The following FRMD4A variants were observed in gnomAD, a reference collection of about 807,000 sequenced individuals.
FRMD4A encodes the protein FERM domain-containing protein 4A.
In FRMD4A, 29 loss-of-function variants were observed where a neutral mutation model predicts 129.1. The observed-to-expected ratio is 0.22, with a 90% CI of 0.17 to 0.31. The LOEUF (loss-of-function observed/expected upper bound fraction) is 0.31, where lower values mean the gene tolerates loss of function less well. FRMD4A is among the 10% of genes least tolerant of loss of function. The probability of loss-of-function intolerance (pLI) is 1.00; values close to 1 mark genes in which losing one functional copy is unlikely to be tolerated. For synonymous variants in FRMD4A, 634 were observed against 571.6 expected (o/e 1.11, Z -1.56); for missense variants, 1,272 against 1,375.8 (o/e 0.92, Z 1.19).
chr10:13,700,623 G>T (rs1309041436), intron 14 of FRMD4A, among the ~76,000 whole-genome samples: 1 of 152,130 alleles, frequency 6.6e-6, no homozygotes, highest in African/African-American at 2.4e-5. Context: ...TGACAGGGGA[G>T]TCTGGGGAGA....
intron 2 of FRMD4A, among the ~76,000 whole-genome samples, chr10:13,896,286 T>C (rs1436445395): frequency 1.3e-5 from 2 of 152,130 alleles, no homozygotes; most frequent in East Asian, 3.8e-4. Context: ...TAATCAATGA[T>C]AGACTGGATA....
intron 2 of FRMD4A, among the ~76,000 whole-genome samples, chr10:14,290,874 G>T (rs943710626): frequency 2.0e-5 from 3 of 152,042 alleles, no homozygotes; most frequent in East Asian, 1.9e-4. Context: ...TATGATAAAT[G>T]ACTTAGCACA....
At chr10:13,786,577 G>C (rs1294140171) in intron 5 of FRMD4A, among the ~76,000 whole-genome samples, 1 of 152,154 alleles carries the variant, frequency 6.6e-6, no homozygotes, top group East Asian at 1.9e-4. Flanking sequence ...TTGCACTCCA[G>C]CCTGGGCAAC....
rs140540576 is a variant in FRMD4A, at chr10:13,763,541, G to C, written c.385-861C>G. On this transcript the variant is annotated intron_variant, in intron 6 of 24. Transcript: ENST00000357447. ...TAGAAAGTTCTATTGGTCAGCAACT[G>C]TTACACAGTGTAAGTTTAACAATGT... is the stretch of plus-strand genomic sequence containing the variant. Among the ~76,000 whole-genome samples the C allele has an allele frequency of 5.3e-5, 8 of 152,270 alleles. No individual in the cohort carries two copies. The East Asian group carries it at 1.5e-3, about 29-fold the overall frequency.
In FRMD4A at chr10:13,657,341, A is replaced by G. The variant is rs764610372; in HGVS notation, c.2248T>C (p.Cys750Arg). 6.2e-7 allele frequency: 1 copy of G among 1,608,396 alleles called. No homozygotes were observed. ...GSDPMDDCSS[C>R]TSHSSSEHYY... ...TGCTCCGAGCTCGAGTGGCTGGTGC[A>G]CGACGAGCAGTCGTCCATGGGGTCT... is the stretch of plus-strand genomic sequence containing the variant. Residue 750 changes from cysteine (C) to arginine (R), a missense_variant, in exon 22 of 25, where the codon TGC (cysteine) becomes CGC (arginine). Physicochemically the swap from Cys to Arg is radical, Grantham distance 180. Around this residue, in one of 2 missense-constraint regions of FRMD4A, gnomAD observed 972 missense variants for 892.3 expected, o/e 1.09. Transcript: ENST00000357447.
chr10:13,849,503 C>G (rs1294792579), intron 3 of FRMD4A, among the ~76,000 whole-genome samples: 1 of 146,308 alleles, frequency 6.8e-6, no homozygotes, highest in Admixed American at 6.8e-5. Flanking sequence ...TTTTTTGATA[C>G]GGAGTTCGCT....
At chr10:13,766,520 C>T (rs1255444878) in intron 6 of FRMD4A, among the ~76,000 whole-genome samples, 2 of 152,164 alleles carry the variant, frequency 1.3e-5, no homozygotes, top group Non-Finnish European at 2.9e-5. Context: ...ATTTAACATG[C>T]ATTGAATTTA....
rs1332572059 is a variant in FRMD4A, at chr10:13,645,967, A to ACTACAAAT, written c.*1063_*1070dup. ...CTTTTGGCCATTATCACCTTACGTT[A>ACTACAAAT]CTACAAATCCTGAAAGGAAAGCAGC... On this transcript the variant is annotated 3_prime_UTR_variant, in exon 25 of 25. Coordinates refer to ENST00000357447, the MANE Select transcript of FRMD4A (RefSeq NM_018027.5). 2 of 152,520 alleles carry ACTACAAAT rather than the reference A, an allele frequency of 1.3e-5. No individual in the cohort carries two copies. Among genetic ancestry groups the ACTACAAAT allele is most frequent in the Non-Finnish European group, 2.9e-5 (2 of 68,046 alleles). 9.4% of individuals were successfully genotyped at this position (152,520 alleles called of 1,614,324 possible). A position where few individuals can be genotyped will look rare whatever the true frequency, so the allele number is the denominator to read the frequency against.
chr10:13,878,037 C>A (rs2094506211), intron 2 of FRMD4A, among the ~76,000 whole-genome samples: 1 of 152,130 alleles, frequency 6.6e-6, no homozygotes, highest in Non-Finnish European at 1.5e-5. Context: ...AACGTAGCAC[C>A]TTACAGTGCA....
chr10:14,093,133 C>T (rs1836753622), intron 2 of FRMD4A, among the ~76,000 whole-genome samples: 1 of 152,170 alleles, frequency 6.6e-6, no homozygotes, highest in South Asian at 2.1e-4. Context: ...CTGTGCCTGC[C>T]TTCCTGATCC....
chr10:14,198,572 T>A (rs1190837711), intron 2 of FRMD4A, among the ~76,000 whole-genome samples: 1 of 152,222 alleles, frequency 6.6e-6, no homozygotes, highest in Non-Finnish European at 1.5e-5. Context: ...TTTTGCAGTT[T>A]GTTTCCTCTC....
chr10:13,722,227 C>CT (rs1204085901), intron 12 of FRMD4A, among the ~76,000 whole-genome samples: 2,116 of 126,774 alleles, frequency 0.017, 43 homozygotes, highest in African/African-American at 0.037. Flanking sequence ...GGCCAGGGCT[C>CT]TTTTTTTTTT....
At chr10:13,874,026 C>T (rs2094465280) in intron 2 of FRMD4A, among the ~76,000 whole-genome samples, 1 of 150,960 alleles carries the variant, frequency 6.6e-6, no homozygotes, top group South Asian at 2.1e-4. Flanking sequence ...GCAGATGGAT[C>T]ACCAGAGGTC....
intron 2 of FRMD4A, among the ~76,000 whole-genome samples, chr10:14,256,977 A>C (rs900167590): frequency 1.3e-5 from 2 of 152,148 alleles, no homozygotes; most frequent in Non-Finnish European, 2.9e-5. Flanking sequence ...TTATTTGGGG[A>C]AAAAAATTTA....
intron 2 of FRMD4A, among the ~76,000 whole-genome samples, chr10:14,002,236 A>AT (rs1339477288): frequency 1.3e-5 from 2 of 152,146 alleles, no homozygotes; most frequent in African/African-American, 2.4e-5. Context: ...TTCTTGTCTC[A>AT]TTTTTCCCCC....
At chr10:13,860,549 C>G (rs889406156) in intron 2 of FRMD4A, among the ~76,000 whole-genome samples, 1 of 152,136 alleles carries the variant, frequency 6.6e-6, no homozygotes, top group African/African-American at 2.4e-5. Context: ...ACTGTATAGT[C>G]CCCATTAAAT....
At chr10:14,293,961 A>T (rs1322229627) in intron 2 of FRMD4A, among the ~76,000 whole-genome samples, 1 of 152,246 alleles carries the variant, frequency 6.6e-6, no homozygotes, top group Non-Finnish European at 1.5e-5. Flanking sequence ...TACTTGCAGG[A>T]TGATTCCAGT....
chr10:13,779,373 G>T (rs1331766104), intron 6 of FRMD4A, among the ~76,000 whole-genome samples: 2 of 151,724 alleles, frequency 1.3e-5, no homozygotes, highest in Non-Finnish European at 2.9e-5. Flanking sequence ...ACAACCAAGA[G>T]AAAATTCCTT....
At chr10:13,878,798 A>G (rs1386592010) in intron 2 of FRMD4A, among the ~76,000 whole-genome samples, 27 of 122,830 alleles carry the variant, frequency 2.2e-4, no homozygotes, top group South Asian at 1.3e-3. Context: ...GAAAGAGAGA[A>G]GGAGAGAAAG....
Sources: gnomAD v4.1 joint callset for allele counts (sites outside exome capture counted in the v4.1 genomes callset) on GRCh38, gnomAD v4.1.1 for gene constraint, gnomAD v4.1.1 regional missense constraint, MANE v1.5 for transcripts, NCBI Gene and HGNC (gene_info 2026-07-23, HGNC 2026-07-21) for gene names.